Variants in PCNX1 observed in about 807,000 individuals in gnomAD.
PCNX1 encodes the protein pecanex-like protein 1.
In PCNX1, 78 loss-of-function variants were observed where a neutral mutation model predicts 242.2. That is an observed-to-expected ratio of 0.32 (90% CI 0.27 to 0.39). The LOEUF (loss-of-function observed/expected upper bound fraction) is 0.39. Ranked by LOEUF, PCNX1 falls within the 10% of genes least tolerant of loss-of-function variation. PCNX1 has a pLI of 1.00. For synonymous variants in PCNX1, 1,024 were observed against 1,032.9 expected (o/e 0.99, Z 0.17); for missense variants, 2,581 against 2,856.5 (o/e 0.90, Z 2.20).
At position 70,907,682 on chromosome 14, in the gene PCNX1, C is replaced by A; in HGVS notation, c.-169C>A. ...TCTCCTCCTCCTCGTTTGCTGCCTC[C>A]TCCTCCTCCTGCAGCAGCACCAGCG... is the stretch of plus-strand genomic sequence containing the variant. On this transcript the variant is annotated 5_prime_UTR_variant, in exon 1 of 36. Transcript: ENST00000304743. 6.3e-6 allele frequency: 5 copies of A among 791,594 alleles called. No individual in the cohort carries two copies. The highest frequency in any genetic ancestry group is 4.9e-6 in the Non-Finnish European group (3 of 609,220). The allele number at this position is 791,594 out of a possible 1,614,324, so 49.0% of individuals were successfully genotyped here. A position where few individuals can be genotyped will look rare whatever the true frequency, so the allele number is the denominator to read the frequency against.
chr14:70,956,941 G>A (rs150736233), intron 2 of PCNX1, among the ~76,000 whole-genome samples: 10 of 152,076 alleles, frequency 6.6e-5, no homozygotes, highest in African/African-American at 2.4e-4. Context: ...AATAAAGCAC[G>A]TACTGCTATG....
chr14:71,036,668 C>G (rs1050745063), intron 19 of PCNX1, among the ~76,000 whole-genome samples: 1 of 152,148 alleles, frequency 6.6e-6, no homozygotes, highest in Non-Finnish European at 1.5e-5. Context: ...GATGACATTG[C>G]CTAAACACAC....
chr14:71,072,294 G>A (rs1328554731), intron 26 of PCNX1, among the ~76,000 whole-genome samples: 1 of 152,204 alleles, frequency 6.6e-6, no homozygotes, highest in African/African-American at 2.4e-5. Context: ...TTTTTAGGCA[G>A]TATCATATAA....
intron 8 of PCNX1, among the ~76,000 whole-genome samples, chr14:71,000,751 C>T (rs528276647): frequency 1.3e-5 from 2 of 152,220 alleles, no homozygotes; most frequent in Admixed American, 6.5e-5. Flanking sequence ...GTCTCGAGCT[C>T]CTGACCTCAG....
At chr14:71,108,545 C>A in intron 33 of PCNX1, 59 bp from the exon 34 acceptor site, 1 of 1,355,986 alleles carries the variant, frequency 7.4e-7, no homozygotes, top group South Asian at 1.4e-5. Flanking sequence ...AACTGCAAAA[C>A]AGAAGTATTG....
intron 1 of PCNX1, among the ~76,000 whole-genome samples, chr14:70,912,560 A>G (rs2055968252): frequency 6.6e-6 from 1 of 150,880 alleles, no homozygotes; most frequent in African/African-American, 2.4e-5. Context: ...ACTGCCACAA[A>G]ATGTTTTTCC....
rs769292821 is a variant in PCNX1, at chr14:70,977,570, G to C, written c.1233G>C (p.Glu411Asp). Reference sequence around the variant, plus strand: ...AGCAGACCAGCTCAACTCACATAGAGAGCATCCTGTCAGAGCATGAGGAGT... The same window carrying C: ...AGCAGACCAGCTCAACTCACATAGACAGCATCCTGTCAGAGCATGAGGAGT... ...KSEQTSSTHI[E>D]SILSEHEESP... is the part of the protein sequence containing the mutation. The change falls in exon 6 of 36, where the codon GAG becomes GAC. Residue 411 changes from glutamate (E) to aspartate (D), a missense_variant. Glu to Asp is a conservative substitution (Grantham distance 45). Transcript: ENST00000304743. The C allele has an allele frequency of 1.2e-6, 2 of 1,614,226 alleles. No homozygotes were observed. The highest frequency in any genetic ancestry group is 4.5e-5 in the East Asian group (2 of 44,878).
At chr14:71,033,125 T>C (rs572084361) in intron 16 of PCNX1, among the ~76,000 whole-genome samples, 1 of 152,338 alleles carries the variant, frequency 6.6e-6, no homozygotes, top group East Asian at 1.9e-4. Context: ...GCACTTAAAA[T>C]GTGAAAGAAT....
intron 33 of PCNX1, 120 bp from the exon 34 acceptor site, chr14:71,108,484 G>A (rs7155247): frequency 0.67 from 467,922 of 694,676 alleles, 160,531 homozygotes; most frequent in African/African-American, 0.86. Context: ...AGGCATAAAC[G>A]TTAAGTTCTG....
intron 33 of PCNX1, among the ~76,000 whole-genome samples, chr14:71,107,656 G>C (rs1365721743): frequency 1.3e-5 from 2 of 152,148 alleles, no homozygotes; most frequent in Non-Finnish European, 2.9e-5. Flanking sequence ...CAGTGCCACT[G>C]ATCATTCCGA....
chr14:71,080,953 C>G (rs2061839378), intron 28 of PCNX1, among the ~76,000 whole-genome samples: 1 of 152,118 alleles, frequency 6.6e-6, no homozygotes, highest in African/African-American at 2.4e-5. Flanking sequence ...TGCCGGTTTT[C>G]AAAGGGAATG....
rs2059865181 is a variant in PCNX1, at chr14:71,012,989, C to G, written c.2783C>G (p.Ser928Cys). 1.9e-6 allele frequency: 3 copies of G among 1,610,100 alleles called. No individual in the cohort carries two copies. Among genetic ancestry groups the G allele is most frequent in the Non-Finnish European group, 2.6e-6 (3 of 1,176,458 alleles). Residue 928 changes from serine (S) to cysteine (C), a missense_variant, in exon 11 of 36, where the codon TCT (serine) becomes TGT (cysteine). By Grantham distance (112) the Ser-to-Cys change is moderately radical. Coordinates refer to ENST00000304743, the MANE Select transcript of PCNX1 (RefSeq NM_014982.3). ...SVRFYPHDVL[S>C]LPQIRLNRLL... The stretch of plus-strand genomic sequence containing the variant: ...TCAATGCTGACTTTCTTTTAGCTCT[C>G]TCTCCCACAGATTCGATTGAATAGA...
At position 70,922,758 on chromosome 14, in the gene PCNX1, CTTTTT is replaced by C. The variant is rs200836942; in HGVS notation, c.153+14768_153+14772del. Among the ~76,000 whole-genome samples the C allele has an allele frequency of 3.5e-3, 462 of 132,322 alleles. 6 individuals carry two copies. The highest frequency in any genetic ancestry group is 0.012 in the African/African-American group (444 of 36,732). 86.8% of individuals were successfully genotyped at this position (132,322 alleles called of 152,430 possible). On this transcript the variant is annotated intron_variant, in intron 1 of 35. Coordinates refer to ENST00000304743, the MANE Select transcript of PCNX1 (RefSeq NM_014982.3). ...TAGTGGGGGACATTTAGGTCATTAC[CTTTTT>C]TTTTTTTTTTTTGCTAGTGCAAACA... is the stretch of plus-strand genomic sequence containing the variant.
intron 26 of PCNX1, among the ~76,000 whole-genome samples, chr14:71,066,961 A>G (rs1016839751): frequency 6.6e-5 from 10 of 152,174 alleles, no homozygotes; most frequent in Non-Finnish European, 1.3e-4. Context: ...GATGAAGCCA[A>G]CTTGATCATG....
Position 70,946,975 on chromosome 14 carries a change from A to C in PCNX1, c.214A>C (p.Ile72Leu). 1.2e-6 allele frequency: 2 copies of C among 1,613,882 alleles called. No individual in the cohort carries two copies. The highest frequency in any genetic ancestry group is 1.7e-6 in the Non-Finnish European group (2 of 1,179,882). Residue 72 changes from isoleucine (I) to leucine (L), a missense_variant, in exon 2 of 36, where the codon ATT becomes CTT. Ile to Leu is a conservative substitution (Grantham distance 5). This residue lies in a region of PCNX1 where 1,204 missense variants were observed against 1,216.7 expected (regional missense o/e 0.99). Coordinates refer to ENST00000304743, the MANE Select transcript of PCNX1 (RefSeq NM_014982.3). ...VYCPVIAAVF[I>L]VLKMVNYRLH... ...TTGTCCTGTGATAGCTGCTGTTTTC[A>C]TTGTTCTGAAGATGGTCAACTATCG...
chr14:70,943,680 C>T (rs2057350344), intron 1 of PCNX1, among the ~76,000 whole-genome samples: 1 of 152,192 alleles, frequency 6.6e-6, no homozygotes, highest in Admixed American at 6.5e-5. Context: ...AAATGTTAAT[C>T]ACCAAGACAA....
At chr14:71,019,590 C>T (rs1157281397) in intron 12 of PCNX1, among the ~76,000 whole-genome samples, 3 of 152,016 alleles carry the variant, frequency 2.0e-5, no homozygotes, top group Admixed American at 6.5e-5. Context: ...TTAGTAGAGA[C>T]GGGGTTTCAC....
chr14:71,062,331 G>A (rs1360861360), intron 26 of PCNX1, among the ~76,000 whole-genome samples: 1 of 151,996 alleles, frequency 6.6e-6, no homozygotes, highest in East Asian at 1.9e-4. Context: ...CTGAGCCTGT[G>A]TAGACCTTGG....
At chr14:71,088,097 T>C (rs761057178) in intron 28 of PCNX1, among the ~76,000 whole-genome samples, 5 of 152,166 alleles carry the variant, frequency 3.3e-5, no homozygotes, top group African/African-American at 7.2e-5. Context: ...GTCAGTTTTT[T>C]TTGTTTTATT....
Sources: allele counts gnomAD v4.1 joint callset (sites outside exome capture counted in the v4.1 genomes callset), GRCh38; gene constraint gnomAD v4.1.1; regional missense constraint gnomAD v4.1.1; transcripts MANE v1.5; gene names NCBI Gene and HGNC (gene_info 2026-07-23, HGNC 2026-07-21).